NIPBL: variants seen among roughly 807,000 people sequenced by gnomAD.
NIPBL encodes the protein nipped-B-like protein.
A neutral mutation model predicts 321.8 loss-of-function variants in NIPBL; 19 were observed. The observed-to-expected ratio is 0.06, with a 90% confidence interval of 0.04 to 0.09. The LOEUF (loss-of-function observed/expected upper bound fraction) is 0.09, where lower values mean the gene tolerates loss of function less well. Among genes scored for constraint, NIPBL ranks in the 10% least tolerant of loss-of-function variants. NIPBL has a pLI of 1.00. For missense variants in NIPBL, 2,210 were observed against 3,327.0 expected (o/e 0.66, Z 8.26); for synonymous variants, 1,106 against 1,114.1 (o/e 0.99, Z 0.14).
At chr5:36,903,835 T>C (rs1375909446) in intron 1 of NIPBL, among the ~76,000 whole-genome samples, 1 of 152,174 alleles carries the variant, frequency 6.6e-6, no homozygotes, top group South Asian at 2.1e-4. Context: ...GCTAGTATTT[T>C]CTAAGATGTT....
chr5:36,975,826 C>A lies in NIPBL; in HGVS notation c.919C>A (p.Pro307Thr). 6.2e-7 allele frequency: 1 copy of A among 1,613,226 alleles called. No homozygotes were observed. The highest frequency in any genetic ancestry group is 8.5e-7 in the Non-Finnish European group (1 of 1,179,722). The change falls in exon 9 of 47, where the codon CCT (proline) becomes ACT (threonine). Residue 307 changes from proline to threonine, a missense_variant. By Grantham distance (38) the Pro-to-Thr change is conservative. This residue lies in a region of NIPBL where 464 missense variants were observed against 529.5 expected (regional missense o/e 0.88). Coordinates refer to ENST00000282516, the MANE Select transcript of NIPBL (RefSeq NM_133433.4). The stretch of plus-strand genomic sequence containing the variant: ...ATCTCAGTCTCTACCTTGTTCATCA[C>A]CTCGAGATGTTCCACCAGATATCTT... ...LQSQSLPCSS[P>T]RDVPPDILLD...
intron 1 of NIPBL, among the ~76,000 whole-genome samples, chr5:36,947,288 T>A (rs900740351): frequency 6.6e-6 from 1 of 152,014 alleles, no homozygotes; most frequent in African/African-American, 2.4e-5. Flanking sequence ...TTTAGACATC[T>A]CCAACTAGAT....
intron 1 of NIPBL, among the ~76,000 whole-genome samples, chr5:36,953,005 A>G (rs1740571048): frequency 6.6e-6 from 1 of 152,126 alleles, no homozygotes; most frequent in Non-Finnish European, 1.5e-5. Flanking sequence ...GATCTTGAAG[A>G]ATTATAGGAT....
chr5:36,944,228 G>GA (rs1189250341), intron 1 of NIPBL, among the ~76,000 whole-genome samples: 2 of 151,866 alleles, frequency 1.3e-5, no homozygotes, highest in Non-Finnish European at 2.9e-5. Context: ...GATGATGCAG[G>GA]AGAGAGGAGA....
chr5:37,031,555 ATTAC>A, intron 32 of NIPBL, among the ~76,000 whole-genome samples: 1 of 152,352 alleles, frequency 6.6e-6, no homozygotes, highest in South Asian at 2.1e-4. Flanking sequence ...ATTCATTTTA[ATTAC>A]TTAAGATCTA....
intron 4 of NIPBL, among the ~76,000 whole-genome samples, chr5:36,960,549 TTTCA>T (rs1169880507): frequency 6.6e-6 from 1 of 152,204 alleles, no homozygotes; most frequent in African/African-American, 2.4e-5. Context: ...TGAAACCTAA[TTTCA>T]TTCAGCTACA....
In NIPBL at chr5:36,975,934, G is replaced by A; in HGVS notation, c.1027G>A (p.Ala343Thr). ...TGAAAAAGAGCAGAGTGAGAAAGCGGCAATGTATGATATAATTAGTTCTCC... is the reference window on the plus strand; with the variant it reads ...TGAAAAAGAGCAGAGTGAGAAAGCGACAATGTATGATATAATTAGTTCTCC... ...KDEKEQSEKA[A>T]MYDIISSPSK... Residue 343 changes from alanine to threonine, a missense_variant, in exon 9 of 47, where the codon GCA (alanine) becomes ACA (threonine). This residue lies in a region of NIPBL where 464 missense variants were observed against 529.5 expected (regional missense o/e 0.88). Coordinates refer to ENST00000282516, the MANE Select transcript of NIPBL (RefSeq NM_133433.4). The A allele has an allele frequency of 1.2e-6, 2 of 1,613,740 alleles. No individual in the cohort carries two copies. Among genetic ancestry groups the A allele is most frequent in the Non-Finnish European group, 1.7e-6 (2 of 1,179,814 alleles).
At chr5:37,055,392 G>T (rs967193266) in intron 42 of NIPBL, among the ~76,000 whole-genome samples, 3 of 147,590 alleles carry the variant, frequency 2.0e-5, no homozygotes, top group Non-Finnish European at 3.0e-5. Context: ...TAGTAGAAAA[G>T]AAAAGAAAGT....
At chr5:37,045,693 A>G (rs1404842034) in intron 37 of NIPBL, 96 bp downstream of exon 37, 6 of 1,275,488 alleles carry the variant, frequency 4.7e-6, no homozygotes, top group South Asian at 1.2e-5. Context: ...AGGCAACATT[A>G]GAGTAGTCTG....
chr5:37,039,115 T>G (rs996957871), intron 34 of NIPBL, among the ~76,000 whole-genome samples: 2 of 151,882 alleles, frequency 1.3e-5, no homozygotes, highest in Non-Finnish European at 2.9e-5. Flanking sequence ...ACCCATTGCT[T>G]GAAGCACACA....
In NIPBL at chr5:36,981,381, C is replaced by T. The variant is rs578151995; in HGVS notation, c.1496-3295C>T. 1.5e-4 allele frequency among the ~76,000 whole-genome samples: 23 copies of T among 151,670 alleles called. 1 individual carries two copies. The South Asian group carries it at 4.8e-3, about 31-fold the overall frequency. ...AATGTTTTACCTAGGCTGTGGTAGACCCTATTGTACCCTTGTTCCGCAGAA... is the reference window on the plus strand; with the variant it reads ...AATGTTTTACCTAGGCTGTGGTAGATCCTATTGTACCCTTGTTCCGCAGAA... On this transcript the variant is annotated intron_variant, in intron 9 of 46. Transcript: ENST00000282516.
chr5:36,999,872 G>T (rs1226446657), intron 11 of NIPBL, among the ~76,000 whole-genome samples: 13 of 152,132 alleles, frequency 8.5e-5, no homozygotes, highest in Non-Finnish European at 1.5e-5. Flanking sequence ...TGAGTTGTGG[G>T]TTTAACTTAG....
Position 36,996,632 on chromosome 5 carries a change from G to GC in NIPBL, c.3304+830dup. The GC allele has an allele frequency of 2.5e-6, 1 of 406,040 alleles. No individual in the cohort carries two copies. Among genetic ancestry groups the GC allele is most frequent in the South Asian group, 1.8e-5 (1 of 55,712 alleles). 25.2% of individuals were successfully genotyped at this position (406,040 alleles called of 1,614,324 possible). Reference sequence around the variant, plus strand: ...TTCTGGAGCAAGAGAATTGAGCCTAGCCAAGAGGGGTCAGCAACCTTGTTT... The same window carrying GC: ...TTCTGGAGCAAGAGAATTGAGCCTAGCCCAAGAGGGGTCAGCAACCTTGTTT... On this transcript the variant is annotated intron_variant, in intron 11 of 46. Transcript: ENST00000282516. This position sits in a 1 kb window ranked among gnomAD's most constrained non-coding sequence, Gnocchi z 5.0.
chr5:36,970,837 A>C (rs1329144708), intron 6 of NIPBL, 39 bp from the exon 7 acceptor site: 1 of 1,539,372 alleles, frequency 6.5e-7, no homozygotes, highest in Admixed American at 1.7e-5. Context: ...AATGTTAAGA[A>C]TCTTTTATTA....
At chr5:36,945,857 G>A (rs987679533) in intron 1 of NIPBL, among the ~76,000 whole-genome samples, 1 of 152,060 alleles carries the variant, frequency 6.6e-6, no homozygotes, top group East Asian at 1.9e-4. Context: ...GGAATCTGAA[G>A]GTGGCTTGAC....
intron 10 of NIPBL, among the ~76,000 whole-genome samples, chr5:36,990,482 A>G (rs1354266039): frequency 6.6e-6 from 1 of 152,204 alleles, no homozygotes; most frequent in African/African-American, 2.4e-5. Flanking sequence ...ATATTGAATA[A>G]TATTTAATGA....
chr5:37,065,109 T>C lies in NIPBL; in HGVS notation c.*217T>C. ...ATTCTCAGTTCATTTTTACTCCCAC[T>C]GTATTATAGTTTAACAAAAATTGTT... On this transcript the variant is annotated 3_prime_UTR_variant, in exon 47 of 47. Coordinates refer to ENST00000282516, the MANE Select transcript of NIPBL (RefSeq NM_133433.4). 1.7e-6 allele frequency: 1 copy of C among 578,462 alleles called. No homozygotes were observed. Among genetic ancestry groups the C allele is most frequent in the Non-Finnish European group, 3.0e-6 (1 of 330,792 alleles). 35.8% of individuals were successfully genotyped at this position (578,462 alleles called of 1,614,324 possible).
chr5:36,936,647 T>C (rs566509578), intron 1 of NIPBL, among the ~76,000 whole-genome samples: 1 of 152,154 alleles, frequency 6.6e-6, no homozygotes, highest in Non-Finnish European at 1.5e-5. Flanking sequence ...CCCAGAATTC[T>C]CACTACCATC....
At chr5:37,035,488 GC>G (rs1329500673) in intron 32 of NIPBL, among the ~76,000 whole-genome samples, 1 of 152,174 alleles carries the variant, frequency 6.6e-6, no homozygotes, top group Non-Finnish European at 1.5e-5. Context: ...GAAAGTTTAA[GC>G]TTGTGCTGCC....
Sources: gnomAD v4.1 joint callset for allele counts (sites outside exome capture counted in the v4.1 genomes callset) on GRCh38, gnomAD v4.1.1 for gene constraint, gnomAD v4.1.1 regional missense constraint, Gnocchi (gnomAD v3.1) non-coding constraint, MANE v1.5 for transcripts, NCBI Gene and HGNC (gene_info 2026-07-23, HGNC 2026-07-21) for gene names.